GPATCH2: variants seen among roughly 807,000 people sequenced by gnomAD.
GPATCH2 encodes G patch domain-containing protein 2.
In GPATCH2, 51 loss-of-function variants were observed where a neutral mutation model predicts 58.0. The ratio of observed to expected loss-of-function variants is 0.88; its 90% confidence interval spans 0.70 to 1.11. GPATCH2 has a LOEUF of 1.11. GPATCH2 is among the 50% of genes most tolerant of loss of function. The pLI is 0.00. For synonymous variants in GPATCH2, 222 were observed against 218.5 expected, an observed-to-expected ratio of 1.02 and a Z score of -0.14; for missense variants, 625 against 652.2, an observed-to-expected ratio of 0.96 and a Z score of 0.45.
chr1:217,556,317 C>T (rs1665614403), intron 5 of GPATCH2, among the ~76,000 whole-genome samples: 1 of 152,112 alleles, frequency 6.6e-6, no homozygotes, highest in African/African-American at 2.4e-5. Context: ...TATATCTTCC[C>T]CCTTCTCTTC....
In GPATCH2 at chr1:217,457,119, G is replaced by A. The variant is rs373182656; in HGVS notation, c.1278-7782C>T. The stretch of plus-strand genomic sequence containing the variant: ...ATGTAAGTGGTTTTGGCAGCTGGAT[G>A]AATTTCTCAAAGGCAAAGTCAAGCT... On this transcript the variant is annotated intron_variant, in intron 8 of 9. Transcript: ENST00000366935. 3.3e-5 allele frequency among the ~76,000 whole-genome samples: 5 copies of A among 152,196 alleles called. 1 individual carries two copies. Among genetic ancestry groups the A allele is most frequent in the Non-Finnish European group, 5.9e-5 (4 of 68,030 alleles).
At chr1:217,502,054 T>G (rs1041242261) in intron 6 of GPATCH2, among the ~76,000 whole-genome samples, 5 of 151,584 alleles carry the variant, frequency 3.3e-5, no homozygotes, top group African/African-American at 1.2e-4. Context: ...TTTTTGGGGG[T>G]CTCTATTCTG....
At chr1:217,526,617 T>C (rs985044655) in intron 5 of GPATCH2, among the ~76,000 whole-genome samples, 4 of 152,226 alleles carry the variant, frequency 2.6e-5, no homozygotes, top group Non-Finnish European at 5.9e-5. Context: ...TTTAACATTT[T>C]TTGGCCAATA....
intron 5 of GPATCH2, among the ~76,000 whole-genome samples, chr1:217,586,109 A>C (rs1039601762): frequency 1.3e-5 from 2 of 152,210 alleles, no homozygotes; most frequent in Non-Finnish European, 2.9e-5. Context: ...GTGAAGGCCT[A>C]GAACACTTCT....
chr1:217,619,082 C>T (rs187476520), intron 2 of GPATCH2, among the ~76,000 whole-genome samples: 133 of 152,146 alleles, frequency 8.7e-4, no homozygotes, highest in Admixed American at 1.7e-3. Flanking sequence ...GGACCCATGC[C>T]TAAAAGGAAA....
rs777099856 is a variant in GPATCH2 at position 217,429,504 on chromosome 1, G to A, written c.*1641C>T. ...GGACCACCTGAGAAAGGTCTGTTAC[G>A]TGCATAAACCTCCTTTAACACCTTT... On this transcript the variant is annotated 3_prime_UTR_variant, in exon 10 of 10. Coordinates refer to ENST00000366935, the MANE Select transcript of GPATCH2 (RefSeq NM_018040.5). 11 of 152,044 alleles carry A rather than the reference G, an allele frequency of 7.2e-5. No individual in the cohort carries two copies. The highest frequency in any genetic ancestry group is 3.4e-3 in the Middle Eastern group (1 of 292). The allele number at this position is 152,044 out of a possible 1,614,324, so 9.4% of individuals were successfully genotyped here.
At chr1:217,445,996 G>T (rs1020484976) in intron 9 of GPATCH2, among the ~76,000 whole-genome samples, 5 of 151,970 alleles carry the variant, frequency 3.3e-5, no homozygotes, top group Non-Finnish European at 7.4e-5. Flanking sequence ...TTATACAAAT[G>T]CAGTTTTGGA....
intron 8 of GPATCH2, among the ~76,000 whole-genome samples, chr1:217,482,199 C>T (rs972692679): frequency 6.6e-6 from 1 of 152,244 alleles, no homozygotes; most frequent in South Asian, 2.1e-4. Flanking sequence ...TAAATTTATT[C>T]TACAAATATT....
intron 2 of GPATCH2, among the ~76,000 whole-genome samples, chr1:217,615,394 A>G (rs1668834630): frequency 6.6e-6 from 1 of 152,130 alleles, no homozygotes; most frequent in South Asian, 2.1e-4. Context: ...TATATTGTAC[A>G]ATTGGTAATG....
intron 8 of GPATCH2, among the ~76,000 whole-genome samples, chr1:217,483,084 T>C (rs1042219539): frequency 7.2e-5 from 11 of 152,244 alleles, no homozygotes; most frequent in African/African-American, 2.4e-4. Flanking sequence ...TTTATCCATA[T>C]ACTCTCTGTC....
intron 9 of GPATCH2, among the ~76,000 whole-genome samples, chr1:217,446,768 A>T (rs1392362206): frequency 3.3e-5 from 5 of 151,958 alleles, no homozygotes; most frequent in South Asian, 2.1e-4. Context: ...AAGCTTATAT[A>T]AAAAAAACTG....
chr1:217,610,251 T>G, intron 5 of GPATCH2, 70 bp downstream of exon 5: 2 of 1,493,160 alleles, frequency 1.3e-6, no homozygotes, highest in Non-Finnish European at 1.9e-6. Flanking sequence ...AGGATGAGGA[T>G]GTGGCTTTTT....
At position 217,581,657 on chromosome 1, in the gene GPATCH2, ATAT is replaced by A. The variant is rs541353150; in HGVS notation, c.1098+28661_1098+28663del. Among the ~76,000 whole-genome samples the A allele has an allele frequency of 2.6e-3, 391 of 152,290 alleles. 2 individuals carry two copies. Among genetic ancestry groups the A allele is most frequent in the Middle Eastern group, 6.8e-3 (2 of 294 alleles). Reference sequence around the variant, plus strand: ...GTGCTTCCCAAGAGAACAGTGTGAAATATTAGAAGTTTAGGCCAGGTGCGGTGG... The same window carrying A: ...GTGCTTCCCAAGAGAACAGTGTGAAATAGAAGTTTAGGCCAGGTGCGGTGG... On this transcript the variant is annotated intron_variant, in intron 5 of 9. Transcript: ENST00000366935.
chr1:217,488,371 G>A (rs1661552154), intron 8 of GPATCH2, among the ~76,000 whole-genome samples: 1 of 152,108 alleles, frequency 6.6e-6, no homozygotes, highest in African/African-American at 2.4e-5. Flanking sequence ...GTTTCTCCAT[G>A]TTCTCCTATT....
At chr1:217,590,501 G>A (rs753105770) in intron 5 of GPATCH2, among the ~76,000 whole-genome samples, 2 of 152,098 alleles carry the variant, frequency 1.3e-5, no homozygotes, top group Non-Finnish European at 2.9e-5. Flanking sequence ...ATGCTTTGTC[G>A]GAAAGAAATG....
chr1:217,457,896 A>G (rs1384303838), intron 8 of GPATCH2, among the ~76,000 whole-genome samples: 1 of 152,186 alleles, frequency 6.6e-6, no homozygotes, highest in Non-Finnish European at 1.5e-5. Flanking sequence ...ATTGCTGCAG[A>G]TTCTCTCTTG....
At chr1:217,444,352 T>C (rs1050367855) in intron 9 of GPATCH2, among the ~76,000 whole-genome samples, 9 of 152,116 alleles carry the variant, frequency 5.9e-5, no homozygotes, top group South Asian at 2.1e-4. Context: ...TTGCCAGTAG[T>C]GTGAGTGAGT....
At chr1:217,534,688 G>C (rs1347866686) in intron 5 of GPATCH2, among the ~76,000 whole-genome samples, 3 of 152,102 alleles carry the variant, frequency 2.0e-5, no homozygotes, top group Non-Finnish European at 2.9e-5. Flanking sequence ...CCTCTTTAAA[G>C]CTGGATCCTT....
At chr1:217,507,708 T>C (rs185835825) in intron 6 of GPATCH2, among the ~76,000 whole-genome samples, 1 of 152,312 alleles carries the variant, frequency 6.6e-6, no homozygotes, top group Non-Finnish European at 1.5e-5. Context: ...TAATTACCTT[T>C]TAATTTCTAA....
Sources: gnomAD v4.1 joint callset for allele counts (sites outside exome capture counted in the v4.1 genomes callset) on GRCh38, gnomAD v4.1.1 for gene constraint, MANE v1.5 for transcripts, NCBI Gene and HGNC (gene_info 2026-07-23, HGNC 2026-07-21) for gene names.